The following DENND4A variants were observed in gnomAD, a reference collection of about 807,000 sequenced individuals.
DENND4A encodes DENN domain containing 4A.
Under a neutral mutation model 199.3 loss-of-function variants are expected in DENND4A, and 70 were observed. The observed-to-expected ratio is 0.35, with a 90% CI of 0.29 to 0.43. The LOEUF (loss-of-function observed/expected upper bound fraction) is 0.43, where lower values mean the gene tolerates loss of function less well. DENND4A is among the 20% of genes least tolerant of loss of function. The probability of loss-of-function intolerance (pLI) is 1.00; values close to 1 mark genes in which losing one functional copy is unlikely to be tolerated. For missense variants in DENND4A, 1,723 were observed against 2,255.8 expected (o/e 0.76, Z 4.78); for synonymous variants, 686 against 766.9 (o/e 0.89, Z 1.74).
intron 15 of DENND4A, among the ~76,000 whole-genome samples, chr15:65,703,470 T>C (rs904976170): frequency 1.3e-5 from 2 of 152,240 alleles, no homozygotes; most frequent in African/African-American, 4.8e-5. Flanking sequence ...ATAACAACCT[T>C]AGGTTTAGCA....
intron 4 of DENND4A, among the ~76,000 whole-genome samples, chr15:65,748,478 G>C (rs1172490390): frequency 6.6e-6 from 1 of 151,908 alleles, no homozygotes; most frequent in Non-Finnish European, 1.5e-5. Flanking sequence ...AATTAGTCGA[G>C]CATGGTGGTG....
At chr15:65,723,087 G>A in intron 11 of DENND4A, 139 bp from the exon 12 acceptor site, 1 of 655,114 alleles carries the variant, frequency 1.5e-6, no homozygotes, top group Non-Finnish European at 2.3e-6. Flanking sequence ...GCATTAACAA[G>A]AGAAAAATCC....
chr15:65,751,007 T>C lies in DENND4A; in HGVS notation c.561+1372A>G, dbSNP rs561410826. ...TGTTCTTGTATATCTAAACTAAGAA[T>C]AGTTTTTGCTTTTATAAAGGGTTAA... is the stretch of plus-strand genomic sequence containing the variant. On this transcript the variant is annotated intron_variant, in intron 4 of 32. Transcript: ENST00000443035. 2.0e-5 allele frequency among the ~76,000 whole-genome samples: 3 copies of C among 152,264 alleles called. No homozygotes were observed. The East Asian group carries it at 5.8e-4, about 29-fold the overall frequency.
intron 8 of DENND4A, among the ~76,000 whole-genome samples, chr15:65,732,052 T>A (rs759616059): frequency 3.9e-5 from 6 of 152,066 alleles, no homozygotes; most frequent in Non-Finnish European, 4.4e-5. Context: ...CCTGTTTTTG[T>A]AAATAAGGTT....
chr15:65,661,120 G>A lies in DENND4A; in HGVS notation c.*731C>T, dbSNP rs1596370728. 1 of 152,082 alleles carries A rather than the reference G, an allele frequency of 6.6e-6. No homozygotes were observed. The highest frequency in any genetic ancestry group is 1.9e-4 in the East Asian group (1 of 5,196). The allele number at this position is 152,082 out of a possible 1,614,324, so 9.4% of individuals were successfully genotyped here. On this transcript the variant is annotated 3_prime_UTR_variant, in exon 33 of 33. Coordinates refer to ENST00000443035, the MANE Select transcript of DENND4A (RefSeq NM_001320835.1). ...TGCACAAGGCTCCATGAGTCAGTCT[G>A]GGCAGTGCACGCTACCCTTGCATAA...
chr15:65,731,593 T>A (rs374245450), intron 9 of DENND4A, 49 bp downstream of exon 9: 4 of 1,324,042 alleles, frequency 3.0e-6, no homozygotes, highest in Non-Finnish European at 3.1e-6. Flanking sequence ...AATATTTGAA[T>A]GTTATGCTAG....
chr15:65,741,627 C>G (rs562859152), intron 5 of DENND4A, 88 bp downstream of exon 5: 1 of 1,055,690 alleles, frequency 9.5e-7, no homozygotes, highest in Non-Finnish European at 1.4e-6. Context: ...CTGATACTAA[C>G]ACAGACTAGG....
intron 1 of DENND4A, among the ~76,000 whole-genome samples, chr15:65,776,630 C>G (rs2077291332): frequency 6.6e-6 from 1 of 152,162 alleles, no homozygotes; most frequent in Non-Finnish European, 1.5e-5. Context: ...GGCCTGAAAG[C>G]CATGTTTTAT....
chr15:65,720,979 A>ATATATATATATATATATATATT, intron 12 of DENND4A, among the ~76,000 whole-genome samples: 1 of 110,106 alleles, frequency 9.1e-6, no homozygotes, highest in African/African-American at 3.2e-5. Flanking sequence ...ATATATATAT[A>ATATATATATATATATATATATT]TATTTGTACT....
chr15:65,725,428 G>A (rs992216371), intron 11 of DENND4A, among the ~76,000 whole-genome samples: 2 of 152,156 alleles, frequency 1.3e-5, no homozygotes, highest in Non-Finnish European at 2.9e-5. Context: ...TGTAATCCCA[G>A]CACTTTGGGA....
At position 65,665,378 on chromosome 15, in the gene DENND4A, C is replaced by T; in HGVS notation, c.5326G>A (p.Gly1776Arg). The T allele has an allele frequency of 6.2e-7, 1 of 1,613,728 alleles. No individual in the cohort carries two copies. Among genetic ancestry groups the T allele is most frequent in the Non-Finnish European group, 8.5e-7 (1 of 1,179,740 alleles). ...WDNMKLHQDP[G>R]QPLYILWNAH... Reference sequence around the variant, plus strand: ...TTCCAGAGAATGTACAAGGGCTGTCCCGGATCCTGATGTAACTTCATATTG... The same window carrying T: ...TTCCAGAGAATGTACAAGGGCTGTCTCGGATCCTGATGTAACTTCATATTG... Residue 1776 changes from glycine (G) to arginine (R), a missense_variant, in exon 30 of 33, where the codon GGA (glycine) becomes AGA (arginine). This residue lies in a region of DENND4A where 164 missense variants were observed against 280.1 expected (regional missense o/e 0.59). Transcript: ENST00000443035.
At chr15:65,687,594 T>A (rs1192879310) in intron 23 of DENND4A, among the ~76,000 whole-genome samples, 1 of 152,218 alleles carries the variant, frequency 6.6e-6, no homozygotes, top group Non-Finnish European at 1.5e-5. Context: ...GAAAATGTCT[T>A]TATTTCACCT....
chr15:65,691,338 A>G lies in DENND4A; in HGVS notation c.3256T>C (p.Phe1086Leu). The G allele has an allele frequency of 4.3e-6, 7 of 1,613,552 alleles. No individual in the cohort carries two copies. Among genetic ancestry groups the G allele is most frequent in the Non-Finnish European group, 5.9e-6 (7 of 1,179,732 alleles). The change falls in exon 23 of 33, where the codon TTT becomes CTT. Residue 1086 changes from phenylalanine (F) to leucine (L), a missense_variant. Coordinates refer to ENST00000443035, the MANE Select transcript of DENND4A (RefSeq NM_001320835.1). ...TCCTGGTTAATTCTATTGAGCATAAATCCCATCAGTACCCCTCCACTAAGA... is the reference window on the plus strand; with the variant it reads ...TCCTGGTTAATTCTATTGAGCATAAGTCCCATCAGTACCCCTCCACTAAGA... Reference protein sequence around the residue: ...RNLSGGVLMGFMLNRINQEAT... With the variant: ...RNLSGGVLMGLMLNRINQEAT...
chr15:65,685,857 C>T (rs1006483455), intron 23 of DENND4A, among the ~76,000 whole-genome samples: 1 of 152,176 alleles, frequency 6.6e-6, no homozygotes, highest in Non-Finnish European at 1.5e-5. Flanking sequence ...GAGTTTATTT[C>T]TGGAGTCTAA....
chr15:65,679,342 C>G (rs2076493459), intron 23 of DENND4A, among the ~76,000 whole-genome samples: 1 of 148,288 alleles, frequency 6.7e-6, no homozygotes, highest in Admixed American at 6.7e-5. Context: ...ACCTTGTGAT[C>G]CGCCCGCCTC....
At chr15:65,682,281 C>T (rs1431092474) in intron 23 of DENND4A, among the ~76,000 whole-genome samples, 1 of 152,220 alleles carries the variant, frequency 6.6e-6, no homozygotes, top group Admixed American at 6.5e-5. Context: ...TAGCCACCTT[C>T]ATCAGTGACC....
At chr15:65,766,895 G>A (rs2077002233) in intron 1 of DENND4A, 3 of 152,104 alleles carry the variant, frequency 2.0e-5, no homozygotes, top group Admixed American at 2.0e-4. Context: ...TGTGTTCAGG[G>A]GCAACCCTGT....
chr15:65,697,643 T>A (rs1175232853), intron 20 of DENND4A, among the ~76,000 whole-genome samples: 2 of 152,192 alleles, frequency 1.3e-5, no homozygotes, highest in Non-Finnish European at 2.9e-5. Flanking sequence ...AGTAACTACA[T>A]ACATTCACAC....
At chr15:65,664,036 C>A (rs2075960715) in intron 32 of DENND4A, among the ~76,000 whole-genome samples, 1 of 152,162 alleles carries the variant, frequency 6.6e-6, no homozygotes, top group South Asian at 2.1e-4. Flanking sequence ...ATATACCATA[C>A]AATTCACTAA....
Sources: allele counts gnomAD v4.1 joint callset (sites outside exome capture counted in the v4.1 genomes callset), GRCh38; gene constraint gnomAD v4.1.1; regional missense constraint gnomAD v4.1.1; transcripts MANE v1.5; gene names NCBI Gene and HGNC (gene_info 2026-07-23, HGNC 2026-07-21).